The following CHLSN variants were observed in gnomAD, a reference collection of about 807,000 sequenced individuals.
CHLSN encodes the protein cholesin.
chr7:1,000,555 G>T, the CHLSN span: 2 of 1,602,330 alleles, frequency 1.2e-6, no homozygotes, highest in Non-Finnish European at 1.7e-6. Context: ...GGCCCATCTA[G>T]GGAAAGAAAG....
At chr7:1,059,040 G>A in the CHLSN span, 1 of 175,598 alleles carries the variant, frequency 5.7e-6, no homozygotes, top group African/African-American at 2.4e-5. Flanking sequence ...AGGGTTCTGA[G>A]AACATTTCAC....
chr7:987,656 C>T, the CHLSN span: 2 of 947,690 alleles, frequency 2.1e-6, no homozygotes, highest in Non-Finnish European at 3.0e-6. Context: ...CGACCGGAGG[C>T]AATAAAGGGC....
the CHLSN span, among the ~76,000 whole-genome samples, chr7:1,084,142 A>G: frequency 0.48 from 72,474 of 152,184 alleles, 19,050 homozygotes; most frequent in African/African-American, 0.71. Context: ...GGTGCGGCAA[A>G]ACCCGCACAC....
chr7:1,109,669 C>A, the CHLSN span, among the ~76,000 whole-genome samples: 1 of 150,974 alleles, frequency 6.6e-6, no homozygotes, highest in Non-Finnish European at 1.5e-5. Context: ...GCCGGGCCCT[C>A]CCCACTCACC....
chr7:1,017,649 C>T, the CHLSN span, among the ~76,000 whole-genome samples: 3 of 152,222 alleles, frequency 2.0e-5, no homozygotes, highest in African/African-American at 4.8e-5. Flanking sequence ...TCAATGCTTA[C>T]GAACTTTCCT....
chr7:1,126,561 G>A, the CHLSN span, among the ~76,000 whole-genome samples: 1 of 151,540 alleles, frequency 6.6e-6, no homozygotes, highest in Admixed American at 6.6e-5. Context: ...TGCACCTGCA[G>A]TCTTGGCTAC....
At chr7:1,053,292 A>G in the CHLSN span, among the ~76,000 whole-genome samples, 3 of 152,260 alleles carry the variant, frequency 2.0e-5, no homozygotes, top group African/African-American at 7.2e-5. Context: ...CCTCACTCGG[A>G]CGCAGGTGTG....
At chr7:1,062,426 C>T in the CHLSN span, among the ~76,000 whole-genome samples, 2 of 152,182 alleles carry the variant, frequency 1.3e-5, no homozygotes, top group Non-Finnish European at 2.9e-5. Context: ...TTCCTCTTTG[C>T]AGAAATTCTG....
the CHLSN span, among the ~76,000 whole-genome samples, chr7:1,068,450 T>C: frequency 1.3e-5 from 2 of 152,150 alleles, no homozygotes; most frequent in Non-Finnish European, 2.9e-5. Context: ...AGTTGGACGC[T>C]GCCTGGTGTG....
At chr7:1,133,305 A>C in the CHLSN span, among the ~76,000 whole-genome samples, 3 of 151,196 alleles carry the variant, frequency 2.0e-5, no homozygotes, top group South Asian at 6.2e-4. Flanking sequence ...GTGGGTGACC[A>C]CTAAGGGGCA....
chr7:1,076,430 C>G, the CHLSN span, among the ~76,000 whole-genome samples: 1 of 152,194 alleles, frequency 6.6e-6, no homozygotes, highest in African/African-American at 2.4e-5. Context: ...CCCTCCCAGG[C>G]ATGGGCTCTG....
At chr7:1,010,982 C>T in the CHLSN span, among the ~76,000 whole-genome samples, 5 of 151,894 alleles carry the variant, frequency 3.3e-5, no homozygotes, top group African/African-American at 1.2e-4. Context: ...AGGCCGGGCA[C>T]AGCCCACGCC....
At chr7:1,104,087 G>A in the CHLSN span, among the ~76,000 whole-genome samples, 2 of 152,226 alleles carry the variant, frequency 1.3e-5, no homozygotes, top group Non-Finnish European at 2.9e-5. Flanking sequence ...GCCCCATCTG[G>A]TTACCATCTC....
chr7:1,103,215 C>T, the CHLSN span, among the ~76,000 whole-genome samples: 3 of 152,232 alleles, frequency 2.0e-5, no homozygotes, highest in Non-Finnish European at 4.4e-5. Context: ...ACTAAACCTC[C>T]TCCCACGCCC....
chr7:1,070,149 C>T, the CHLSN span, among the ~76,000 whole-genome samples: 11 of 100,876 alleles, frequency 1.1e-4, no homozygotes, highest in Non-Finnish European at 2.1e-4. Flanking sequence ...CCCCTCCGCC[C>T]GGCAGCTGCC....
chr7:1,052,292 G>A, the CHLSN span, among the ~76,000 whole-genome samples: 3 of 152,250 alleles, frequency 2.0e-5, no homozygotes, highest in East Asian at 1.9e-4. The surrounding 1 kb of genome is among the most constrained non-coding windows in gnomAD (Gnocchi z 4.2). Context: ...CGTCCAGCTC[G>A]GCTGGGGACA....
chr7:1,138,022 C>T, the CHLSN span: 124 of 150,030 alleles, frequency 8.3e-4, 1 homozygote, highest in African/African-American at 2.6e-3. Context: ...CCGGCCGCAC[C>T]AGCCTCCCCA....
At chr7:1,120,582 C>T in the CHLSN span, among the ~76,000 whole-genome samples, 85 of 152,282 alleles carry the variant, frequency 5.6e-4, no homozygotes, top group Middle Eastern at 3.4e-3. Flanking sequence ...CACGAGCCAC[C>T]GTACCTGGCC....
chr7:1,032,282 C>G, the CHLSN span, among the ~76,000 whole-genome samples: 3 of 152,330 alleles, frequency 2.0e-5, no homozygotes, highest in South Asian at 2.1e-4. Flanking sequence ...GGATGAAGCC[C>G]CCCGCAGGTG....
Sources: gnomAD v4.1 joint callset for allele counts (sites outside exome capture counted in the v4.1 genomes callset) on GRCh38, gnomAD v4.1.1 for gene constraint, Gnocchi (gnomAD v3.1) non-coding constraint, MANE v1.5 for transcripts, NCBI Gene and HGNC (gene_info 2026-07-23, HGNC 2026-07-21) for gene names.